Variants in ATXN7L1 observed in about 807,000 individuals in gnomAD.
ATXN7L1 encodes the protein ataxin 7 like 1.
ATXN7L1 carries 15 observed loss-of-function variants against 70.8 expected under a neutral mutation model. That is an observed-to-expected ratio of 0.21 (90% confidence interval 0.14 to 0.33). ATXN7L1 has a LOEUF of 0.33. ATXN7L1 is among the 10% of genes least tolerant of loss of function. The pLI is 1.00. For missense variants in ATXN7L1, 975 were observed against 1,097.1 expected (o/e 0.89, Z 1.57); for synonymous variants, 440 against 445.1 (o/e 0.99, Z 0.14).
intron 2 of ATXN7L1, among the ~76,000 whole-genome samples, chr7:105,820,527 G>A (rs955083234): frequency 2.0e-5 from 3 of 152,140 alleles, no homozygotes; most frequent in African/African-American, 4.8e-5. Flanking sequence ...AACAAAGCTC[G>A]GCCATGTAGC....
intron 3 of ATXN7L1, among the ~76,000 whole-genome samples, chr7:105,702,943 C>T (rs376145812): frequency 1.3e-5 from 2 of 152,124 alleles, no homozygotes; most frequent in East Asian, 1.9e-4. Flanking sequence ...AGTGAAACCC[C>T]GTCTCTACTA....
At chr7:105,770,242 A>G (rs1477964499) in intron 3 of ATXN7L1, among the ~76,000 whole-genome samples, 2 of 152,258 alleles carry the variant, frequency 1.3e-5, no homozygotes, top group Non-Finnish European at 2.9e-5. Flanking sequence ...CAAGAGCAAT[A>G]GCTATTTATC....
At chr7:105,693,565 ATCCATCCATCCATCCATCT>A (rs1490457165) in intron 3 of ATXN7L1, among the ~76,000 whole-genome samples, 54 of 105,628 alleles carry the variant, frequency 5.1e-4, no homozygotes, top group African/African-American at 1.6e-3. Context: ...CCATCCATCC[ATCCATCCATCCATCCATCT>A]AATTTGAAGA....
Position 105,718,216 on chromosome 7 carries a change from C to T in ATXN7L1, c.356-52928G>A, listed in dbSNP as rs150473280. Among the ~76,000 whole-genome samples the T allele has an allele frequency of 2.0e-5, 3 of 152,330 alleles. No homozygotes were observed. In the East Asian group the frequency reaches 5.8e-4, roughly 29 times the overall value. ...TGTAGCTATGCTAGATAGCCCCACA[C>T]CTTCCCAGTTAATCAGCTATAGGAT... On this transcript the variant is annotated intron_variant, in intron 3 of 11. Coordinates refer to ENST00000419735, the MANE Select transcript of ATXN7L1 (RefSeq NM_020725.2).
intron 3 of ATXN7L1, among the ~76,000 whole-genome samples, chr7:105,697,637 AG>A (rs1300410879): frequency 6.6e-6 from 1 of 152,252 alleles, no homozygotes; most frequent in African/African-American, 2.4e-5. Flanking sequence ...CAGGATTAAG[AG>A]ATTAAAGCAA....
chr7:105,756,367 A>G (rs1330054783), intron 3 of ATXN7L1, among the ~76,000 whole-genome samples: 1 of 152,210 alleles, frequency 6.6e-6, no homozygotes, highest in Non-Finnish European at 1.5e-5. Context: ...TGAGACAGAG[A>G]GAAAAATGTG....
chr7:105,670,987 G>T (rs1803493870), intron 3 of ATXN7L1, among the ~76,000 whole-genome samples: 2 of 151,784 alleles, frequency 1.3e-5, no homozygotes, highest in African/African-American at 2.4e-5. Flanking sequence ...GCGCCTGTTA[G>T]TCCCAGCTAC....
chr7:105,803,452 G>T (rs1345427068), intron 2 of ATXN7L1, among the ~76,000 whole-genome samples: 1 of 152,246 alleles, frequency 6.6e-6, no homozygotes, highest in Non-Finnish European at 1.5e-5. Context: ...GCTGTGAGAA[G>T]GTGGCAGGAC....
intron 7 of ATXN7L1, among the ~76,000 whole-genome samples, chr7:105,635,407 G>A (rs538852873): frequency 3.3e-5 from 5 of 152,354 alleles, no homozygotes; most frequent in South Asian, 4.1e-4. Flanking sequence ...TGTCAAGGCC[G>A]GCATTCACTG....
chr7:105,753,969 G>GC lies in ATXN7L1; in HGVS notation c.355+34634dup, dbSNP rs59897302. On this transcript the variant is annotated intron_variant, in intron 3 of 11. Coordinates refer to ENST00000419735, the MANE Select transcript of ATXN7L1 (RefSeq NM_020725.2). ...AGTTCTGAGATCTAGTTACAGCTCT[G>GC]CCCCCCCAAAAGCCATTTTAATCCT... 9.9e-3 allele frequency among the ~76,000 whole-genome samples: 1,466 copies of GC among 148,272 alleles called. 36 individuals are homozygous for GC. Among genetic ancestry groups the GC allele is most frequent in the African/African-American group, 0.033 (1,352 of 41,082 alleles).
At chr7:105,778,528 A>AAC (rs1803085025) in intron 3 of ATXN7L1, among the ~76,000 whole-genome samples, 1 of 145,270 alleles carries the variant, frequency 6.9e-6, no homozygotes, top group African/African-American at 2.7e-5. Context: ...AAAAAAAAAA[A>AAC]AAAAAAACAA....
intron 3 of ATXN7L1, among the ~76,000 whole-genome samples, chr7:105,712,386 T>C (rs1794033987): frequency 6.6e-6 from 1 of 152,232 alleles, no homozygotes; most frequent in Admixed American, 6.5e-5. Flanking sequence ...GGCTTTTTCT[T>C]TTCTACCACA....
intron 2 of ATXN7L1, among the ~76,000 whole-genome samples, chr7:105,805,968 A>G (rs138707143): frequency 6.6e-6 from 1 of 152,278 alleles, no homozygotes; most frequent in East Asian, 1.9e-4. Flanking sequence ...TTTGGAAGCA[A>G]TGCTGAGCTT....
At chr7:105,769,972 C>T (rs1404103096) in intron 3 of ATXN7L1, among the ~76,000 whole-genome samples, 1 of 152,308 alleles carries the variant, frequency 6.6e-6, no homozygotes, top group East Asian at 1.9e-4. Context: ...TGGCATTCGG[C>T]GTAAAACTGC....
At chr7:105,620,892 C>T (rs761215037) in intron 8 of ATXN7L1, among the ~76,000 whole-genome samples, 899 of 28,996 alleles carry the variant, frequency 0.031, 11 homozygotes, top group Admixed American at 0.064. Context: ...GAGACTGTCT[C>T]AGAGAAAAAA....
intron 7 of ATXN7L1, among the ~76,000 whole-genome samples, chr7:105,629,799 T>TGAGCCACTGCACCAGGCTGA (rs1360213816): frequency 1.3e-5 from 2 of 151,244 alleles, no homozygotes; most frequent in Non-Finnish European, 1.5e-5. Context: ...ATTACAGGTG[T>TGAGCCACTGCACCAGGCTGA]AGGCCTCCGT....
rs1432282669 is a variant in ATXN7L1 at position 105,727,754 on chromosome 7, A to G, written c.355+60850T>C. 1.3e-3 allele frequency among the ~76,000 whole-genome samples: 107 copies of G among 84,522 alleles called. 3 individuals carry two copies. Among genetic ancestry groups the G allele is most frequent in the African/African-American group, 4.3e-3 (87 of 20,308 alleles). The allele number at this position is 84,522 out of a possible 152,430, so 55.4% of individuals were successfully genotyped here. A position where few individuals can be genotyped will look rare whatever the true frequency, so the allele number is the denominator to read the frequency against. On this transcript the variant is annotated intron_variant, in intron 3 of 11. Transcript: ENST00000419735. The stretch of plus-strand genomic sequence containing the variant: ...TGTGTGTGTGTATGTGTGTATATAT[A>G]TATATATATATATATATATATATAC...
chr7:105,657,470 C>T (rs892513330), intron 4 of ATXN7L1, among the ~76,000 whole-genome samples: 20 of 151,638 alleles, frequency 1.3e-4, no homozygotes, highest in Non-Finnish European at 7.4e-5. Context: ...CCCAGCACTT[C>T]GGGAGGCTGA....
At chr7:105,788,495 C>T (rs1444600398) in intron 3 of ATXN7L1, 109 bp downstream of exon 3, 8 of 908,960 alleles carry the variant, frequency 8.8e-6, no homozygotes, top group South Asian at 1.4e-5. Context: ...TACCCACAGC[C>T]TCAGGCTGAG....
Sources: gnomAD v4.1 joint callset for allele counts (sites outside exome capture counted in the v4.1 genomes callset) on GRCh38, gnomAD v4.1.1 for gene constraint, MANE v1.5 for transcripts, NCBI Gene and HGNC (gene_info 2026-07-23, HGNC 2026-07-21) for gene names.